Variants in PDE3B observed in about 807,000 individuals in gnomAD.
PDE3B encodes cGMP-inhibited 3',5'-cyclic phosphodiesterase 3B.
Under a neutral mutation model 116.8 loss-of-function variants are expected in PDE3B, and 66 were observed. The observed-to-expected ratio is 0.56, with a 90% CI of 0.46 to 0.69. The LOEUF (loss-of-function observed/expected upper bound fraction) is 0.69. Ranked by LOEUF, PDE3B falls within the 30% of genes least tolerant of loss-of-function variation. The pLI is 0.00. For synonymous variants in PDE3B, 595 were observed against 533.6 expected (o/e 1.12, Z -1.59); for missense variants, 1,384 against 1,368.1 (o/e 1.01, Z -0.18).
intron 1 of PDE3B, among the ~76,000 whole-genome samples, chr11:14,698,669 G>A (rs1470704366): frequency 6.6e-6 from 1 of 151,666 alleles, no homozygotes; most frequent in Non-Finnish European, 1.5e-5. Context: ...TCTTTCTATT[G>A]GCTAGAAAAA....
At chr11:14,809,015 T>C (rs896116388) in intron 5 of PDE3B, among the ~76,000 whole-genome samples, 1 of 152,184 alleles carries the variant, frequency 6.6e-6, no homozygotes, top group Non-Finnish European at 1.5e-5. Context: ...AAAATTCGTA[T>C]AGAAACGCAA....
At chr11:14,809,495 C>G (rs1461227713) in intron 5 of PDE3B, among the ~76,000 whole-genome samples, 1 of 152,142 alleles carries the variant, frequency 6.6e-6, no homozygotes, top group African/African-American at 2.4e-5. Flanking sequence ...ACAAATTGTA[C>G]AAATCTACTC....
At chr11:14,769,201 T>C (rs1857570728) in intron 1 of PDE3B, among the ~76,000 whole-genome samples, 1 of 151,238 alleles carries the variant, frequency 6.6e-6, no homozygotes, top group Admixed American at 6.6e-5. Flanking sequence ...GAAGAGTGAA[T>C]TTATTGAGGG....
At position 14,661,907 on chromosome 11, in the gene PDE3B, C is replaced by T. The variant is rs1048357835; in HGVS notation, c.978+16854C>T. Among the ~76,000 whole-genome samples the T allele has an allele frequency of 1.2e-4, 19 of 152,208 alleles. 1 individual carries two copies. Reference sequence around the variant, plus strand: ...ACAGACAAACAAAAAGACGCAGTAACCTCTGCAGACTTAAATGTCCCTGTC... The same window carrying T: ...ACAGACAAACAAAAAGACGCAGTAATCTCTGCAGACTTAAATGTCCCTGTC... On this transcript the variant is annotated intron_variant, in intron 1 of 15. Coordinates refer to ENST00000282096, the MANE Select transcript of PDE3B (RefSeq NM_000922.4).
intron 1 of PDE3B, among the ~76,000 whole-genome samples, chr11:14,722,107 A>G (rs1350584050): frequency 6.6e-6 from 1 of 151,104 alleles, no homozygotes; most frequent in Non-Finnish European, 1.5e-5. Context: ...GGAATTAAAC[A>G]ATGAGAACAC....
At chr11:14,689,024 C>T (rs749515454) in intron 1 of PDE3B, among the ~76,000 whole-genome samples, 7 of 152,180 alleles carry the variant, frequency 4.6e-5, no homozygotes, top group Non-Finnish European at 7.3e-5. Flanking sequence ...CCACCATCCT[C>T]GGCCTCCCAA....
chr11:14,732,488 AT>A (rs1856485711), intron 1 of PDE3B, among the ~76,000 whole-genome samples: 1 of 152,216 alleles, frequency 6.6e-6, no homozygotes, highest in African/African-American at 2.4e-5. Context: ...CTGCCTTTTA[AT>A]TATAGATTTT....
At chr11:14,732,860 G>A (rs1856497749) in intron 1 of PDE3B, among the ~76,000 whole-genome samples, 1 of 152,164 alleles carries the variant, frequency 6.6e-6, no homozygotes, top group Non-Finnish European at 1.5e-5. Flanking sequence ...AGTCAACTGT[G>A]TATCAGGTTA....
intron 1 of PDE3B, among the ~76,000 whole-genome samples, chr11:14,657,266 G>T (rs1853740238): frequency 6.6e-6 from 1 of 152,152 alleles, no homozygotes; most frequent in Non-Finnish European, 1.5e-5. Flanking sequence ...TAACTATGCA[G>T]CACCTCCCCA....
At chr11:14,771,562 A>C (rs140422549) in intron 1 of PDE3B, among the ~76,000 whole-genome samples, 4 of 151,920 alleles carry the variant, frequency 2.6e-5, no homozygotes, top group African/African-American at 4.8e-5. Flanking sequence ...GGAAAATAGC[A>C]TCACCCATCA....
rs192591504 is a variant in PDE3B at position 14,655,076 on chromosome 11, A to G, written c.978+10023A>G. Among the ~76,000 whole-genome samples the G allele has an allele frequency of 2.6e-4, 40 of 152,330 alleles. No individual in the cohort carries two copies. The East Asian group carries it at 7.3e-3, about 28-fold the overall frequency. Reference sequence around the variant, plus strand: ...GAAGCAAAAACTTTGTTAAAAGAATATAAAGATTGTCCACTTGGATTTTCT... The same window carrying G: ...GAAGCAAAAACTTTGTTAAAAGAATGTAAAGATTGTCCACTTGGATTTTCT... On this transcript the variant is annotated intron_variant, in intron 1 of 15. Transcript: ENST00000282096.
At chr11:14,685,233 A>C (rs1854835887) in intron 1 of PDE3B, among the ~76,000 whole-genome samples, 1 of 152,044 alleles carries the variant, frequency 6.6e-6, no homozygotes, top group Admixed American at 6.6e-5. Flanking sequence ...TTCACAATTT[A>C]TGTTCCTCTG....
At chr11:14,797,768 C>G (rs986601537) in intron 4 of PDE3B, among the ~76,000 whole-genome samples, 1 of 152,100 alleles carries the variant, frequency 6.6e-6, no homozygotes, top group South Asian at 2.1e-4. Flanking sequence ...GTGATTTTTG[C>G]ATATTGATTT....
intron 1 of PDE3B, among the ~76,000 whole-genome samples, chr11:14,761,820 C>G (rs1590123280): frequency 6.6e-6 from 1 of 152,104 alleles, no homozygotes; most frequent in East Asian, 1.9e-4. Context: ...GGAAACTGGA[C>G]TAATTTCTAT....
chr11:14,676,727 A>G (rs1167714860), intron 1 of PDE3B, among the ~76,000 whole-genome samples: 1 of 152,112 alleles, frequency 6.6e-6, no homozygotes, highest in African/African-American at 2.4e-5. Context: ...TATATTATGG[A>G]TGTGAGTCCT....
chr11:14,653,714 G>A (rs1007856982), intron 1 of PDE3B, among the ~76,000 whole-genome samples: 6 of 152,168 alleles, frequency 3.9e-5, no homozygotes, highest in Middle Eastern at 6.8e-3. Context: ...AAAAACTGTC[G>A]CTGGCCGAGT....
rs539825349 is a variant in PDE3B at position 14,742,661 on chromosome 11, G to A, written c.979-29276G>A. On this transcript the variant is annotated intron_variant, in intron 1 of 15. Transcript: ENST00000282096. ...TGTGATCCTTTAGAGGAGAAGAGGCGTTGTGTTTTTTGGAATTTTCAGCCT... is the reference window on the plus strand; with the variant it reads ...TGTGATCCTTTAGAGGAGAAGAGGCATTGTGTTTTTTGGAATTTTCAGCCT... 1.6e-4 allele frequency among the ~76,000 whole-genome samples: 24 copies of A among 152,222 alleles called. 1 individual carries two copies. In the East Asian group the frequency reaches 3.5e-3, roughly 22 times the overall value.
intron 4 of PDE3B, among the ~76,000 whole-genome samples, chr11:14,795,378 A>G (rs1858522116): frequency 1.3e-5 from 2 of 152,194 alleles, no homozygotes; most frequent in East Asian, 1.9e-4. Context: ...TCTGACTTTA[A>G]TCACCTTCCT....
chr11:14,653,725 G>A (rs1240225565), intron 1 of PDE3B, among the ~76,000 whole-genome samples: 5 of 152,166 alleles, frequency 3.3e-5, no homozygotes, highest in African/African-American at 1.2e-4. Flanking sequence ...CTGGCCGAGT[G>A]TGGTGGTTCA....
Sources: allele counts gnomAD v4.1 joint callset (sites outside exome capture counted in the v4.1 genomes callset), GRCh38; gene constraint gnomAD v4.1.1; transcripts MANE v1.5; gene names NCBI Gene and HGNC (gene_info 2026-07-23, HGNC 2026-07-21).